TUBB2B: variants seen among roughly 807,000 people sequenced by gnomAD.
TUBB2B encodes the protein tubulin beta 2B class IIb, also known as tubulin beta-2B chain.
In TUBB2B, 5 loss-of-function variants were observed where a neutral mutation model predicts 35.0. The observed-to-expected ratio is 0.14, with a 90% confidence interval of 0.07 to 0.30. The LOEUF is 0.30. TUBB2B is among the 10% of genes least tolerant of loss of function. The probability of loss-of-function intolerance (pLI) is 1.00; values close to 1 mark genes in which losing one functional copy is unlikely to be tolerated. For missense variants in TUBB2B, 63 were observed against 601.8 expected (o/e 0.10, Z 9.37); for synonymous variants, 166 against 250.5 (o/e 0.66, Z 3.18).
In TUBB2B at chr6:3,226,080, C is replaced by T; in HGVS notation, c.277+79G>A. ...CGCGGATGTTCTTCATGCTTTCCCT[C>T]TGGCAATCACACCTCTTCAGCCTCC... On this transcript the variant is annotated intron_variant, in intron 3 of 3. Coordinates refer to ENST00000259818, the MANE Select transcript of TUBB2B (RefSeq NM_178012.5). The surrounding 1 kb of genome is among the most constrained non-coding windows in gnomAD (Gnocchi z 5.5). 7.0e-7 allele frequency: 1 copy of T among 1,433,772 alleles called. No homozygotes were observed. Among genetic ancestry groups the T allele is most frequent in the Non-Finnish European group, 9.8e-7 (1 of 1,020,120 alleles). 88.8% of individuals were successfully genotyped at this position (1,433,772 alleles called of 1,614,324 possible).
At position 3,227,625 on chromosome 6, in the gene TUBB2B, G is replaced by A; in HGVS notation, c.-82C>T. 2 of 1,574,450 alleles carry A rather than the reference G, an allele frequency of 1.3e-6. No homozygotes were observed. The highest frequency in any genetic ancestry group is 1.8e-5 in the Admixed American group (1 of 55,688). On this transcript the variant is annotated 5_prime_UTR_variant, in exon 1 of 4. Coordinates refer to ENST00000259818, the MANE Select transcript of TUBB2B (RefSeq NM_178012.5). The surrounding 1 kb of genome is among the most constrained non-coding windows in gnomAD (Gnocchi z 7.8). The stretch of plus-strand genomic sequence containing the variant: ...TCACACACCCACTGCGGGGTCACCG[G>A]GAAGGCGCTCGGGAACCGACGGGCT...
At position 3,226,402 on chromosome 6, in the gene TUBB2B, T is replaced by G; in HGVS notation, c.167-133A>C. 1.9e-6 allele frequency: 2 copies of G among 1,047,840 alleles called. No homozygotes were observed. Among genetic ancestry groups the G allele is most frequent in the South Asian group, 2.6e-5 (2 of 76,354 alleles). The allele number at this position is 1,047,840 out of a possible 1,614,324, so 64.9% of individuals were successfully genotyped here. On this transcript the variant is annotated intron_variant, in intron 2 of 3. Coordinates refer to ENST00000259818, the MANE Select transcript of TUBB2B (RefSeq NM_178012.5). This position sits in a 1 kb window ranked among gnomAD's most constrained non-coding sequence, Gnocchi z 5.5. ...CCATCAGGTTCTCAAAGGGCTCTGTTGGCATAAGGAAGCCCAATGAAATAC... is the reference window on the plus strand; with the variant it reads ...CCATCAGGTTCTCAAAGGGCTCTGTGGGCATAAGGAAGCCCAATGAAATAC...
chr6:3,224,975 T>C lies in TUBB2B; in HGVS notation c.1114A>G (p.Thr372Ala). ...KMSATFIGNS[T>A]AIQELFKRIS... is the part of the protein sequence containing the mutation. ...CGCTTGAACAGCTCCTGGATGGCCG[T>C]GCTGTTGCCGATGAAGGTGGCCGAC... is the stretch of plus-strand genomic sequence containing the variant. The change falls in exon 4 of 4, where the codon ACG (threonine) becomes GCG (alanine). Residue 372 changes from threonine (T) to alanine (A), a missense_variant. Physicochemically the swap from Thr to Ala is moderately conservative, Grantham distance 58 (BLOSUM62 0). Around this residue, in one of 4 missense-constraint regions of TUBB2B, gnomAD observed 18 missense variants for 145.0 expected, o/e 0.12. Transcript: ENST00000259818. 1 of 1,486,052 alleles carries C rather than the reference T, an allele frequency of 6.7e-7. No homozygotes were observed. Among genetic ancestry groups the C allele is most frequent in the Non-Finnish European group, 9.1e-7 (1 of 1,104,632 alleles). The allele number at this position is 1,486,052 out of a possible 1,614,324, so 92.1% of individuals were successfully genotyped here.
Position 3,227,437 on chromosome 6 carries a change from C to T in TUBB2B, c.57+50G>A, listed in dbSNP as rs1187705971. On this transcript the variant is annotated intron_variant, in intron 1 of 3. Coordinates refer to ENST00000259818, the MANE Select transcript of TUBB2B (RefSeq NM_178012.5). The surrounding 1 kb of genome is among the most constrained non-coding windows in gnomAD (Gnocchi z 7.8). Reference sequence around the variant, plus strand: ...GCGCCTGGGGACCCCGAGGGGCTCTCGGCCCAGGTTCGCGCCCCCATTGGA... The same window carrying T: ...GCGCCTGGGGACCCCGAGGGGCTCTTGGCCCAGGTTCGCGCCCCCATTGGA... 19 of 1,597,760 alleles carry T rather than the reference C, an allele frequency of 1.2e-5. No homozygotes were observed. In the Admixed American group the frequency reaches 2.7e-4, roughly 23 times the overall value.
In TUBB2B at chr6:3,226,541, G is replaced by A; in HGVS notation, c.166+20C>T. The A allele has an allele frequency of 6.2e-7, 1 of 1,602,700 alleles. No homozygotes were observed. The highest frequency in any genetic ancestry group is 2.2e-5 in the East Asian group (1 of 44,818). ...AGGTGGAAAAACTGAAGGGAGTGGGGGTGGGGCAAGGGTGATTACCAGTGG... is the reference window on the plus strand; with the variant it reads ...AGGTGGAAAAACTGAAGGGAGTGGGAGTGGGGCAAGGGTGATTACCAGTGG... On this transcript the variant is annotated intron_variant, in intron 2 of 3. Coordinates refer to ENST00000259818, the MANE Select transcript of TUBB2B (RefSeq NM_178012.5). This position sits in a 1 kb window ranked among gnomAD's most constrained non-coding sequence, Gnocchi z 5.5.
At position 3,226,485 on chromosome 6, in the gene TUBB2B, C is replaced by A; in HGVS notation, c.166+76G>T. The A allele has an allele frequency of 7.2e-7, 1 of 1,388,766 alleles. No individual in the cohort carries two copies. The highest frequency in any genetic ancestry group is 2.3e-5 in the East Asian group (1 of 43,836). The allele number at this position is 1,388,766 out of a possible 1,614,324, so 86.0% of individuals were successfully genotyped here. A position where few individuals can be genotyped will look rare whatever the true frequency, so the allele number is the denominator to read the frequency against. On this transcript the variant is annotated intron_variant, in intron 2 of 3. Coordinates refer to ENST00000259818, the MANE Select transcript of TUBB2B (RefSeq NM_178012.5). The surrounding 1 kb of genome is among the most constrained non-coding windows in gnomAD (Gnocchi z 5.5). ...AGTCCACCCTCTCCCAGGGCCACAC[C>A]CCTGGGGTCCCACGCAAGGGAAAGG...
Position 3,227,615 on chromosome 6 carries a change from G to C in TUBB2B, c.-72C>G. 1 of 1,586,266 alleles carries C rather than the reference G, an allele frequency of 6.3e-7. No homozygotes were observed. Among genetic ancestry groups the C allele is most frequent in the East Asian group, 2.3e-5 (1 of 43,580 alleles). ...CGTCCTCCCCTCACACACCCACTGC[G>C]GGGTCACCGGGAAGGCGCTCGGGAA... On this transcript the variant is annotated 5_prime_UTR_variant, in exon 1 of 4. Coordinates refer to ENST00000259818, the MANE Select transcript of TUBB2B (RefSeq NM_178012.5). The surrounding 1 kb of genome is among the most constrained non-coding windows in gnomAD (Gnocchi z 7.8).
chr6:3,226,289 C>A lies in TUBB2B; in HGVS notation c.167-20G>T. 1 of 1,604,144 alleles carries A rather than the reference C, an allele frequency of 6.2e-7. No homozygotes were observed. Among genetic ancestry groups the A allele is most frequent in the Non-Finnish European group, 8.5e-7 (1 of 1,171,360 alleles). On this transcript the variant is annotated intron_variant, in intron 2 of 3. Coordinates refer to ENST00000259818, the MANE Select transcript of TUBB2B (RefSeq NM_178012.5). The surrounding 1 kb of genome is among the most constrained non-coding windows in gnomAD (Gnocchi z 5.5). ...TGTTACCTGCAAGGAACAACAGTGA[C>A]TTAGACCCTCAGGCAAGGACCTCTG... is the stretch of plus-strand genomic sequence containing the variant.
In TUBB2B at chr6:3,225,929, C is replaced by T. The variant is rs1757282617; in HGVS notation, c.278-118G>A. ...AGATAAGACTATTTCAGATTATCAC[C>T]AAAATGGCCAAACGTTAAAATATTT... On this transcript the variant is annotated intron_variant, in intron 3 of 3. Transcript: ENST00000259818. 6 of 1,508,764 alleles carry T rather than the reference C, an allele frequency of 4.0e-6. No homozygotes were observed. In the East Asian group the frequency reaches 1.5e-4, roughly 37 times the overall value. The allele number at this position is 1,508,764 out of a possible 1,614,324, so 93.5% of individuals were successfully genotyped here. A position where few individuals can be genotyped will look rare whatever the true frequency, so the allele number is the denominator to read the frequency against.
chr6:3,226,311 T>G lies in TUBB2B; in HGVS notation c.167-42A>C. The G allele has an allele frequency of 6.4e-7, 1 of 1,562,894 alleles. No homozygotes were observed. Among genetic ancestry groups the G allele is most frequent in the Non-Finnish European group, 8.8e-7 (1 of 1,135,190 alleles). ...TGACTTAGACCCTCAGGCAAGGACCTCTGCAGAGAAGGGCTTGGCGCCTGC... is the reference window on the plus strand; with the variant it reads ...TGACTTAGACCCTCAGGCAAGGACCGCTGCAGAGAAGGGCTTGGCGCCTGC... On this transcript the variant is annotated intron_variant, in intron 2 of 3. Coordinates refer to ENST00000259818, the MANE Select transcript of TUBB2B (RefSeq NM_178012.5). This position sits in a 1 kb window ranked among gnomAD's most constrained non-coding sequence, Gnocchi z 5.5.
rs1276872022 is a variant in TUBB2B, at chr6:3,226,482, C to T, written c.166+79G>A. 4.5e-6 allele frequency: 6 copies of T among 1,342,588 alleles called. No homozygotes were observed. Among genetic ancestry groups the T allele is most frequent in the Non-Finnish European group, 5.4e-6 (5 of 932,960 alleles). 83.2% of individuals were successfully genotyped at this position (1,342,588 alleles called of 1,614,324 possible). ...AATAGTCCACCCTCTCCCAGGGCCACACCCCTGGGGTCCCACGCAAGGGAA... is the reference window on the plus strand; with the variant it reads ...AATAGTCCACCCTCTCCCAGGGCCATACCCCTGGGGTCCCACGCAAGGGAA... On this transcript the variant is annotated intron_variant, in intron 2 of 3. Coordinates refer to ENST00000259818, the MANE Select transcript of TUBB2B (RefSeq NM_178012.5). This position sits in a 1 kb window ranked among gnomAD's most constrained non-coding sequence, Gnocchi z 5.5.
chr6:3,226,223 G>C lies in TUBB2B; in HGVS notation c.213C>G (p.Gly71=), dbSNP rs757831981. The C allele has an allele frequency of 1.9e-6, 3 of 1,614,136 alleles. No homozygotes were observed. The highest frequency in any genetic ancestry group is 4.5e-5 in the East Asian group (2 of 44,882). Residue 71 remains glycine (G), a synonymous_variant, in exon 3 of 4, where the codon GGC becomes GGG. Coordinates refer to ENST00000259818, the MANE Select transcript of TUBB2B (RefSeq NM_178012.5). The surrounding 1 kb of genome is among the most constrained non-coding windows in gnomAD (Gnocchi z 5.5). ...GTCCAGACCTAACCGAATCCATCGT[G>C]CCTGGCTCCAGATCCACGAGGATGG... The part of the protein sequence containing the change: ...PRAILVDLEP[G]TMDSVRSGPF...
Position 3,226,693 on chromosome 6 carries a change from G to C in TUBB2B, c.58-24C>G. Reference sequence around the variant, plus strand: ...AACTGAGACAGAAAGGCTGCATTTAGCCATGAACGATGCCCCCAGAAACGC... The same window carrying C: ...AACTGAGACAGAAAGGCTGCATTTACCCATGAACGATGCCCCCAGAAACGC... On this transcript the variant is annotated intron_variant, in intron 1 of 3. Coordinates refer to ENST00000259818, the MANE Select transcript of TUBB2B (RefSeq NM_178012.5). The surrounding 1 kb of genome is among the most constrained non-coding windows in gnomAD (Gnocchi z 5.5). 1.3e-6 allele frequency: 2 copies of C among 1,594,240 alleles called. No homozygotes were observed. The highest frequency in any genetic ancestry group is 2.2e-5 in the South Asian group (2 of 90,620).
rs1459863771 is a variant in TUBB2B, at chr6:3,226,634, G to A, written c.93C>T (p.Asp31=). ...TGTCTCCATGGTAACTGCCAGTGGGGTCAATCCCATGCTCATCACTGATGA... is the reference window on the plus strand; with the variant it reads ...TGTCTCCATGGTAACTGCCAGTGGGATCAATCCCATGCTCATCACTGATGA... ...WEVISDEHGI[D]PTGSYHGDSD... Residue 31 remains aspartate, a synonymous_variant, in exon 2 of 4, where the codon GAC becomes GAT. Coordinates refer to ENST00000259818, the MANE Select transcript of TUBB2B (RefSeq NM_178012.5). This position sits in a 1 kb window ranked among gnomAD's most constrained non-coding sequence, Gnocchi z 5.5. The A allele has an allele frequency of 2.5e-6, 4 of 1,614,054 alleles. No homozygotes were observed. Among genetic ancestry groups the A allele is most frequent in the Non-Finnish European group, 3.4e-6 (4 of 1,180,034 alleles).
Position 3,224,576 on chromosome 6 carries a change from A to G in TUBB2B, c.*175T>C, listed in dbSNP as rs1261747039. On this transcript the variant is annotated 3_prime_UTR_variant, in exon 4 of 4. Coordinates refer to ENST00000259818, the MANE Select transcript of TUBB2B (RefSeq NM_178012.5). ...CTCAAATGTTACATTGATGTCATCA[A>G]TATTACAAAAAAGGAAAAAAAAAGT... 8.6e-6 allele frequency: 7 copies of G among 810,700 alleles called. No homozygotes were observed. The Admixed American group carries it at 1.6e-4, about 18-fold the overall frequency. The allele number at this position is 810,700 out of a possible 1,614,324, so 50.2% of individuals were successfully genotyped here. A position where few individuals can be genotyped will look rare whatever the true frequency, so the allele number is the denominator to read the frequency against.
At position 3,225,744 on chromosome 6, in the gene TUBB2B, C is replaced by T. The variant is rs760721832; in HGVS notation, c.345G>A (p.Ser115=). 1.7e-5 allele frequency: 27 copies of T among 1,612,892 alleles called. No individual in the cohort carries two copies. In the South Asian group the frequency reaches 2.7e-4, roughly 16 times the overall value. ...HYTEGAELVD[S]VLDVVRKESE... ...ACTCCTTCCTCACCACATCCAGGAC[C>T]GAGTCGACCAGCTCGGCTCCCTCTG... Residue 115 remains serine, a synonymous_variant, in exon 4 of 4, where the codon TCG becomes TCA. Transcript: ENST00000259818.
At position 3,224,656 on chromosome 6, in the gene TUBB2B, G is replaced by A. The variant is rs1187335519; in HGVS notation, c.*95C>T. On this transcript the variant is annotated 3_prime_UTR_variant, in exon 4 of 4. Coordinates refer to ENST00000259818, the MANE Select transcript of TUBB2B (RefSeq NM_178012.5). ...CCAGCGCACACCTAAAGTAGACCAT[G>A]CTTCTTTCCTTCCACTGCCAGGTTA... 2.0e-5 allele frequency: 31 copies of A among 1,559,406 alleles called. No individual in the cohort carries two copies. The South Asian group carries it at 3.4e-4, about 17-fold the overall frequency.
rs760721832 is a variant in TUBB2B, at chr6:3,225,744, C to G, written c.345G>C (p.Ser115=). Residue 115 remains serine (S), a synonymous_variant, in exon 4 of 4, where the codon TCG becomes TCC. Transcript: ENST00000259818. ...HYTEGAELVD[S]VLDVVRKESE... ...ACTCCTTCCTCACCACATCCAGGAC[C>G]GAGTCGACCAGCTCGGCTCCCTCTG... 1.9e-6 allele frequency: 3 copies of G among 1,612,892 alleles called. No individual in the cohort carries two copies. The highest frequency in any genetic ancestry group is 2.5e-6 in the Non-Finnish European group (3 of 1,179,616).
Position 3,226,148 on chromosome 6 carries a change from C to A in TUBB2B, c.277+11G>T, listed in dbSNP as rs947362493. ...GAATCCCTCATGCTCTCAGCCACAC[C>A]AGGCACTCACCAAACACGAAATTGT... On this transcript the variant is annotated intron_variant, in intron 3 of 3. Coordinates refer to ENST00000259818, the MANE Select transcript of TUBB2B (RefSeq NM_178012.5). This position sits in a 1 kb window ranked among gnomAD's most constrained non-coding sequence, Gnocchi z 5.5. 2 of 1,610,704 alleles carry A rather than the reference C, an allele frequency of 1.2e-6. No individual in the cohort carries two copies. The highest frequency in any genetic ancestry group is 2.7e-5 in the African/African-American group (2 of 74,852).
Sources: allele counts gnomAD v4.1 joint callset, GRCh38; gene constraint gnomAD v4.1.1; regional missense constraint gnomAD v4.1.1; non-coding constraint Gnocchi (gnomAD v3.1); transcripts MANE v1.5; gene names NCBI Gene and HGNC (gene_info 2026-07-23, HGNC 2026-07-21).